The following CCDC148 variants were observed in gnomAD, a reference collection of about 807,000 sequenced individuals.
The protein encoded by CCDC148 is coiled-coil domain containing 148, also known as coiled-coil domain-containing protein 148.
Under a neutral mutation model 85.7 loss-of-function variants are expected in CCDC148, and 89 were observed. The observed-to-expected ratio is 1.04, with a 90% CI of 0.87 to 1.24. The LOEUF (loss-of-function observed/expected upper bound fraction) is 1.24, where lower values mean the gene tolerates loss of function less well. Among genes scored for constraint, CCDC148 ranks in the 50% most tolerant of loss-of-function variants. CCDC148 has a pLI of 0.00. For missense variants in CCDC148, 692 were observed against 671.7 expected, an observed-to-expected ratio of 1.03 and a Z score of -0.33; for synonymous variants, 230 against 213.9, an observed-to-expected ratio of 1.08 and a Z score of -0.66.
chr2:158,297,058 C>A (rs912315047), intron 9 of CCDC148, among the ~76,000 whole-genome samples: 9 of 152,294 alleles, frequency 5.9e-5, no homozygotes, highest in African/African-American at 1.9e-4. Flanking sequence ...GCAAGAAATT[C>A]ATCACTAGCA....
intron 9 of CCDC148, among the ~76,000 whole-genome samples, chr2:158,296,095 T>G (rs113964545): frequency 0.027 from 4,096 of 152,304 alleles, 71 homozygotes; most frequent in Middle Eastern, 0.092. Flanking sequence ...AATTGATCAA[T>G]TATATATTTT....
intron 2 of CCDC148, among the ~76,000 whole-genome samples, chr2:158,350,867 T>A (rs12612198): frequency 0.12 from 18,136 of 152,116 alleles, 1,647 homozygotes; most frequent in African/African-American, 0.26. Context: ...GCCATCGTCG[T>A]GTGCATTTAT....
chr2:158,432,627 A>G (rs769387509), intron 1 of CCDC148, among the ~76,000 whole-genome samples: 5 of 152,224 alleles, frequency 3.3e-5, no homozygotes, highest in Non-Finnish European at 7.3e-5. Flanking sequence ...TTCCAGATGT[A>G]CACTATTTGA....
intron 9 of CCDC148, among the ~76,000 whole-genome samples, chr2:158,279,055 TG>T (rs1367112456): frequency 6.6e-6 from 1 of 152,204 alleles, no homozygotes; most frequent in Admixed American, 6.5e-5. Context: ...CTAACAGACC[TG>T]CACCTGAGGG....
chr2:158,303,690 T>G (rs1358174518), intron 9 of CCDC148, among the ~76,000 whole-genome samples: 1 of 152,196 alleles, frequency 6.6e-6, no homozygotes, highest in Non-Finnish European at 1.5e-5. Context: ...ATGTTCTGAT[T>G]TCCCCCACTG....
In CCDC148 at chr2:158,327,128, T is replaced by C. The variant is rs142154076; in HGVS notation, c.764+11598A>G. On this transcript the variant is annotated intron_variant, in intron 7 of 13. Transcript: ENST00000283233. ...GAATAACTGTAAAAATAAATCAGTG[T>C]ATACATATTCAAGTACATTTATATG... Among the ~76,000 whole-genome samples, 1,463 of 152,276 alleles carry C rather than the reference T, an allele frequency of 9.6e-3. 19 individuals carry two copies. Among genetic ancestry groups the C allele is most frequent in the African/African-American group, 0.033 (1,356 of 41,570 alleles).
intron 2 of CCDC148, among the ~76,000 whole-genome samples, chr2:158,348,651 T>C (rs1314261648): frequency 2.0e-5 from 3 of 152,010 alleles, no homozygotes; most frequent in Non-Finnish European, 4.4e-5. Flanking sequence ...TGAAATATTA[T>C]GATGTCTGTG....
intron 9 of CCDC148, among the ~76,000 whole-genome samples, chr2:158,253,356 T>C (rs17201554): frequency 0.2 from 30,998 of 151,550 alleles, 3,344 homozygotes; most frequent in Non-Finnish European, 0.23. Flanking sequence ...TTCCCTTATA[T>C]GGCCATTCCT....
intron 7 of CCDC148, among the ~76,000 whole-genome samples, chr2:158,327,880 T>A (rs1349168784): frequency 6.6e-6 from 1 of 152,178 alleles, no homozygotes; most frequent in East Asian, 1.9e-4. Context: ...AATTCCCAAA[T>A]ATTCTATATT....
intron 1 of CCDC148, among the ~76,000 whole-genome samples, chr2:158,437,174 A>C (rs1687698266): frequency 6.6e-6 from 1 of 152,188 alleles, no homozygotes; most frequent in Admixed American, 6.5e-5. Flanking sequence ...GACACAACCA[A>C]AAAAGAGAAT....
At chr2:158,265,822 G>T (rs964396277) in intron 9 of CCDC148, among the ~76,000 whole-genome samples, 4 of 152,192 alleles carry the variant, frequency 2.6e-5, no homozygotes, top group Non-Finnish European at 1.5e-5. Flanking sequence ...CTTCCCCTGA[G>T]AATCTATATT....
chr2:158,249,662 A>C (rs1688708242), intron 10 of CCDC148, among the ~76,000 whole-genome samples: 1 of 152,168 alleles, frequency 6.6e-6, no homozygotes, highest in Non-Finnish European at 1.5e-5. Flanking sequence ...TCACAAAACA[A>C]ATCAATAACA....
intron 11 of CCDC148, among the ~76,000 whole-genome samples, chr2:158,214,086 CAGA>C (rs935125736): frequency 2.6e-5 from 2 of 75,942 alleles, no homozygotes; most frequent in Admixed American, 1.8e-4. Context: ...CATAGAGTTA[CAGA>C]AACTAAAGAA....
chr2:158,410,232 C>A (rs1235294785), intron 1 of CCDC148, among the ~76,000 whole-genome samples: 1 of 152,118 alleles, frequency 6.6e-6, no homozygotes, highest in Non-Finnish European at 1.5e-5. Flanking sequence ...TCATTTTCAA[C>A]CAATGTGTGT....
intron 9 of CCDC148, among the ~76,000 whole-genome samples, chr2:158,276,880 T>C (rs956722853): frequency 6.6e-6 from 1 of 152,258 alleles, no homozygotes; most frequent in Non-Finnish European, 1.5e-5. Flanking sequence ...TTTGTTAATA[T>C]GACAAATAGA....
chr2:158,285,662 C>T (rs1410271022), intron 9 of CCDC148, among the ~76,000 whole-genome samples: 1 of 151,572 alleles, frequency 6.6e-6, no homozygotes, highest in Non-Finnish European at 1.5e-5. Flanking sequence ...TCCCCAGTAG[C>T]TGGGACTACA....
chr2:158,379,214 G>T (rs997599808), intron 1 of CCDC148, among the ~76,000 whole-genome samples: 1 of 151,988 alleles, frequency 6.6e-6, no homozygotes, highest in African/African-American at 2.4e-5. Context: ...AACTTTGAGG[G>T]GTTCAACAAT....
chr2:158,183,878 C>G (rs1349478681), intron 11 of CCDC148, among the ~76,000 whole-genome samples: 2 of 152,112 alleles, frequency 1.3e-5, no homozygotes, highest in Non-Finnish European at 2.9e-5. Flanking sequence ...AGATTTTACT[C>G]AGGAGGTTGT....
chr2:158,220,716 AT>A lies in CCDC148; in HGVS notation c.1252-4del. 1 of 1,560,848 alleles carries A rather than the reference AT, an allele frequency of 6.4e-7. No homozygotes were observed. Among genetic ancestry groups the A allele is most frequent in the East Asian group, 2.3e-5 (1 of 43,538 alleles). On this transcript the variant is annotated splice_region_variant and splice_polypyrimidine_tract_variant and intron_variant, in intron 10 of 13. Transcript: ENST00000283233. Reference sequence around the variant, plus strand: ...TTCTTGGCCCAGTATTTTTTTATCTATTGTATAAATGTTACATAAAATTTAA... The same window carrying A: ...TTCTTGGCCCAGTATTTTTTTATCTATGTATAAATGTTACATAAAATTTAA...
Sources: allele counts gnomAD v4.1 joint callset (sites outside exome capture counted in the v4.1 genomes callset), GRCh38; gene constraint gnomAD v4.1.1; transcripts MANE v1.5; gene names NCBI Gene and HGNC (gene_info 2026-07-23, HGNC 2026-07-21).